NSUN7: variants seen among roughly 807,000 people sequenced by gnomAD.
NSUN7 encodes the protein NOP2/Sun RNA methyltransferase family member 7.
Under a neutral mutation model 58.5 loss-of-function variants are expected in NSUN7, and 39 were observed. That is an observed-to-expected ratio of 0.67 (90% CI 0.52 to 0.87). The LOEUF (loss-of-function observed/expected upper bound fraction) is 0.87. Among genes scored for constraint, NSUN7 ranks in the 40% least tolerant of loss-of-function variants. NSUN7 has a pLI of 0.00. For missense variants in NSUN7, 765 were observed against 844.1 expected (o/e 0.91, Z 1.16); for synonymous variants, 278 against 303.7 (o/e 0.92, Z 0.88).
intron 2 of NSUN7, 50 bp from the exon 3 acceptor site, chr4:40,760,384 T>C (rs1354801842): frequency 7.0e-7 from 1 of 1,418,768 alleles, no homozygotes; most frequent in African/African-American, 1.4e-5. Context: ...TCCAGAGTTT[T>C]CATTTTCCGC....
rs200936229 is a variant in NSUN7 at position 40,808,350 on chromosome 4, G to A, written c.1568G>A (p.Arg523Gln). ...GTGTCTGTGAATGATGTTTTGGCCCGAGCTGCAGCCAAGGGTCTGCTGGAT... is the reference window on the plus strand; with the variant it reads ...GTGTCTGTGAATGATGTTTTGGCCCAAGCTGCAGCCAAGGGTCTGCTGGAT... ...ETVSVNDVLARAAAKGLLDGI... is the reference protein window; with the variant it reads ...ETVSVNDVLAQAAAKGLLDGI... The change falls in exon 12 of 12, where the codon CGA (arginine) becomes CAA (glutamine). Residue 523 changes from arginine (R) to glutamine (Q), a missense_variant. By Grantham distance (43) the Arg-to-Gln change is conservative. Transcript: ENST00000381782. 57 of 1,613,912 alleles carry A rather than the reference G, an allele frequency of 3.5e-5. No homozygotes were observed. Among genetic ancestry groups the A allele is most frequent in the Admixed American group, 8.3e-5 (5 of 59,988 alleles).
At chr4:40,795,000 T>C (rs967837093) in intron 9 of NSUN7, among the ~76,000 whole-genome samples, 1 of 152,216 alleles carries the variant, frequency 6.6e-6, no homozygotes, top group African/African-American at 2.4e-5. Flanking sequence ...CATTTAGATT[T>C]TGAGTACCAC....
In NSUN7 at chr4:40,809,219, A is replaced by G. The variant is rs535242871; in HGVS notation, c.*280A>G. Reference sequence around the variant, plus strand: ...GTCAGAACTTATCTCACTCCTGTGAACTTTCAGGCTGGACTTAAAGCTGCC... The same window carrying G: ...GTCAGAACTTATCTCACTCCTGTGAGCTTTCAGGCTGGACTTAAAGCTGCC... On this transcript the variant is annotated 3_prime_UTR_variant, in exon 12 of 12. Coordinates refer to ENST00000381782, the MANE Select transcript of NSUN7 (RefSeq NM_024677.6). The G allele has an allele frequency of 3.5e-6, 1 of 287,706 alleles. No homozygotes were observed. Among genetic ancestry groups the G allele is most frequent in the East Asian group, 6.0e-5 (1 of 16,756 alleles). 17.8% of individuals were successfully genotyped at this position (287,706 alleles called of 1,614,324 possible).
chr4:40,777,547 C>G (rs190907278), intron 7 of NSUN7, among the ~76,000 whole-genome samples: 73 of 152,244 alleles, frequency 4.8e-4, no homozygotes, highest in Admixed American at 1.2e-3. Context: ...AACTCCTGAC[C>G]TCAGGTGATC....
At position 40,808,665 on chromosome 4, in the gene NSUN7, G is replaced by C; in HGVS notation, c.1883G>C (p.Arg628Pro). 1 of 1,551,792 alleles carries C rather than the reference G, an allele frequency of 6.4e-7. No homozygotes were observed. The highest frequency in any genetic ancestry group is 8.7e-7 in the Non-Finnish European group (1 of 1,147,046). The part of the protein sequence containing the change: ...FVKNTCPSRP[R>P]ERQTHFLRPR... ...AAGAACACTTGTCCCTCCAGACCGCGTGAACGGCAGACACACTTCTTAAGA... is the reference window on the plus strand; with the variant it reads ...AAGAACACTTGTCCCTCCAGACCGCCTGAACGGCAGACACACTTCTTAAGA... Residue 628 changes from arginine (R) to proline (P), a missense_variant, in exon 12 of 12, where the codon CGT (arginine) becomes CCT (proline). Arg to Pro is a moderately radical substitution (Grantham distance 103, BLOSUM62 -2). Coordinates refer to ENST00000381782, the MANE Select transcript of NSUN7 (RefSeq NM_024677.6).
At chr4:40,785,465 T>G (rs1314268526) in intron 7 of NSUN7, among the ~76,000 whole-genome samples, 4 of 152,218 alleles carry the variant, frequency 2.6e-5, no homozygotes, top group Non-Finnish European at 4.4e-5. Context: ...GTTCAAGTGA[T>G]TCTTCTGCCT....
chr4:40,779,524 A>G (rs1309022000), intron 7 of NSUN7, among the ~76,000 whole-genome samples: 1 of 152,158 alleles, frequency 6.6e-6, no homozygotes, highest in Non-Finnish European at 1.5e-5. Context: ...GAATGGCATG[A>G]ACCTGGGAGG....
intron 7 of NSUN7, among the ~76,000 whole-genome samples, chr4:40,784,933 A>C (rs1027595003): frequency 1.3e-5 from 2 of 152,226 alleles, no homozygotes; most frequent in Non-Finnish European, 2.9e-5. Context: ...TATGTAGAAC[A>C]CCGTACCTAG....
chr4:40,755,940 G>T (rs532631564), intron 2 of NSUN7, among the ~76,000 whole-genome samples: 10 of 152,340 alleles, frequency 6.6e-5, no homozygotes, highest in Admixed American at 2.0e-4. Flanking sequence ...AACTAGGGAA[G>T]TTCATCTGAG....
rs147792886 is a variant in NSUN7, at chr4:40,750,707, C to T, written c.14C>T (p.Thr5Met). ...CGAGGGGCAGACATGCTGAATTCCA[C>T]GGGCGAACTGGAGTTTTCGAACGAA... MLNS[T>M]GELEFSNEED... Residue 5 changes from threonine to methionine, a missense_variant, in exon 2 of 12, where the codon ACG becomes ATG. Thr to Met is a moderately conservative substitution (Grantham distance 81). Coordinates refer to ENST00000381782, the MANE Select transcript of NSUN7 (RefSeq NM_024677.6). 2.5e-6 allele frequency: 4 copies of T among 1,613,114 alleles called. No individual in the cohort carries two copies. In the African/African-American group the frequency reaches 5.3e-5, roughly 22 times the overall value.
chr4:40,750,474 T>A, intron 1 of NSUN7, 129 bp from the exon 2 acceptor site: 3 of 381,846 alleles, frequency 7.9e-6, no homozygotes, highest in Non-Finnish European at 1.4e-5. Context: ...CGTCCCAGGC[T>A]CGAAGTCTGG....
Position 40,786,215 on chromosome 4 carries a change from C to T in NSUN7, c.1037-4387C>T, listed in dbSNP as rs1472242099. On this transcript the variant is annotated intron_variant, in intron 7 of 11. Coordinates refer to ENST00000381782, the MANE Select transcript of NSUN7 (RefSeq NM_024677.6). Reference sequence around the variant, plus strand: ...GGTTTGGACTGTGCTGGAAAGACAACTGTCTTATACAGGCTGCAGTTCAAT... The same window carrying T: ...GGTTTGGACTGTGCTGGAAAGACAATTGTCTTATACAGGCTGCAGTTCAAT... 7 of 1,613,880 alleles carry T rather than the reference C, an allele frequency of 4.3e-6. No individual in the cohort carries two copies. The Admixed American group carries it at 6.7e-5, about 15-fold the overall frequency.
intron 7 of NSUN7, chr4:40,785,991 C>T (rs1577571561): frequency 9.6e-6 from 13 of 1,347,418 alleles, no homozygotes; most frequent in South Asian, 1.7e-5. Flanking sequence ...CTGGGAGAGA[C>T]GCTGAGTGAA....
intron 5 of NSUN7, 73 bp downstream of exon 5, chr4:40,774,490 C>T (rs1215419293): frequency 6.8e-7 from 1 of 1,471,930 alleles, no homozygotes; most frequent in South Asian, 1.2e-5. Context: ...GAAGCATTAC[C>T]TTTTTAAGAG....
At chr4:40,798,276 C>G (rs1743409041) in intron 9 of NSUN7, among the ~76,000 whole-genome samples, 1 of 152,162 alleles carries the variant, frequency 6.6e-6, no homozygotes, top group Non-Finnish European at 1.5e-5. Context: ...GCCTGTCTGG[C>G]AGGTGGTAGG....
intron 7 of NSUN7, among the ~76,000 whole-genome samples, chr4:40,777,987 A>G (rs375874596): frequency 2.0e-5 from 3 of 152,368 alleles, no homozygotes; most frequent in Non-Finnish European, 4.4e-5. Flanking sequence ...CCTGGAAACT[A>G]TAATCAAAAA....
At position 40,750,607 on chromosome 4, in the gene NSUN7, C is replaced by T. The variant is rs1428926634; in HGVS notation, c.-87C>T. Reference sequence around the variant, plus strand: ...AATCACCTTCTCTCTTCACAGAGACCATGCTGCAGATGCGAGGAAAGCCGT... The same window carrying T: ...AATCACCTTCTCTCTTCACAGAGACTATGCTGCAGATGCGAGGAAAGCCGT... On this transcript the variant is annotated 5_prime_UTR_variant, in exon 2 of 12. Coordinates refer to ENST00000381782, the MANE Select transcript of NSUN7 (RefSeq NM_024677.6). 6.8e-7 allele frequency: 1 copy of T among 1,463,872 alleles called. No individual in the cohort carries two copies. Among genetic ancestry groups the T allele is most frequent in the Non-Finnish European group, 9.4e-7 (1 of 1,068,592 alleles). 90.7% of individuals were successfully genotyped at this position (1,463,872 alleles called of 1,614,324 possible).
chr4:40,759,388 A>T (rs1032838174), intron 2 of NSUN7, among the ~76,000 whole-genome samples: 18 of 152,080 alleles, frequency 1.2e-4, no homozygotes, highest in Non-Finnish European at 2.5e-4. Context: ...CAAAAAGAAC[A>T]CTCGTGTTCC....
chr4:40,758,669 A>G (rs1741291999), intron 2 of NSUN7, among the ~76,000 whole-genome samples: 1 of 152,126 alleles, frequency 6.6e-6, no homozygotes, highest in African/African-American at 2.4e-5. Context: ...TACAAAAAAT[A>G]CAAAGATAAT....
Sources: allele counts gnomAD v4.1 joint callset (sites outside exome capture counted in the v4.1 genomes callset), GRCh38; gene constraint gnomAD v4.1.1; transcripts MANE v1.5; gene names NCBI Gene and HGNC (gene_info 2026-07-23, HGNC 2026-07-21).